The following LINGO1 variants were observed in gnomAD, a reference collection of about 807,000 sequenced individuals.
The protein encoded by LINGO1 is leucine-rich repeat and immunoglobulin-like domain-containing nogo receptor-interacting protein 1.
Under a neutral mutation model 37.3 loss-of-function variants are expected in LINGO1, and 11 were observed. The observed-to-expected ratio is 0.29, with a 90% CI of 0.19 to 0.49. LINGO1 has a LOEUF of 0.49. LINGO1 is among the 20% of genes least tolerant of loss of function. The probability of loss-of-function intolerance (pLI) is 0.99; values close to 1 mark genes in which losing one functional copy is unlikely to be tolerated. For synonymous variants in LINGO1, 387 were observed against 403.0 expected, an observed-to-expected ratio of 0.96 and a Z score of 0.48; for missense variants, 585 against 878.2, an observed-to-expected ratio of 0.67 and a Z score of 4.22.
In LINGO1 at chr15:77,641,156, G is replaced by A. The variant is rs534264306; in HGVS notation, c.-12-25256C>T. On this transcript the variant is annotated intron_variant, in intron 3 of 3. Coordinates refer to the LINGO1 transcript ENST00000559893. ...GAGACAGCCAGCCCTGAGGAAGGCC[G>A]CTGCTGGCCAAGGAGGTGCCAGCTC... is the stretch of plus-strand genomic sequence containing the variant. Among the ~76,000 whole-genome samples the A allele has an allele frequency of 4.6e-5, 7 of 152,316 alleles. No individual in the cohort carries two copies. The South Asian group carries it at 8.3e-4, about 18-fold the overall frequency.
At chr15:77,663,672 TGGGTGTTCTCTGCGTG>T (rs2075048286) in intron 3 of LINGO1, among the ~76,000 whole-genome samples, 4 of 152,332 alleles carry the variant, frequency 2.6e-5, no homozygotes, top group Middle Eastern at 3.4e-3. Context: ...CCTCAGTGTT[TGGGTGTTCTCTGCGTG>T]GGGGTGCGCT....
intron 3 of LINGO1, among the ~76,000 whole-genome samples, chr15:77,673,186 T>A (rs960165676): frequency 3.3e-5 from 5 of 152,174 alleles, no homozygotes; most frequent in African/African-American, 1.2e-4. Context: ...TAGGCCAATA[T>A]TTTTAAAATT....
At chr15:77,692,146 C>T (rs956001802) in intron 1 of LINGO1, among the ~76,000 whole-genome samples, 3 of 152,238 alleles carry the variant, frequency 2.0e-5, no homozygotes, top group Non-Finnish European at 4.4e-5. Context: ...TACGTAAACA[C>T]ATATGTGCAT....
intron 1 of LINGO1, among the ~76,000 whole-genome samples, chr15:77,624,967 C>T (rs184183623): frequency 1.1e-4 from 17 of 152,314 alleles, no homozygotes; most frequent in African/African-American, 4.1e-4. Context: ...CCCCCAGCGC[C>T]ATCCCCTGCC....
chr15:77,763,901 C>G (rs558952025), intron 1 of LINGO1, among the ~76,000 whole-genome samples: 38 of 152,260 alleles, frequency 2.5e-4, no homozygotes, highest in Non-Finnish European at 4.4e-4. Context: ...GCTCATCCCC[C>G]CTTCCCCTGG....
At chr15:77,786,791 G>A (rs184136228) in intron 1 of LINGO1, 1 of 152,486 alleles carries the variant, frequency 6.6e-6, no homozygotes, top group Admixed American at 6.5e-5. Flanking sequence ...TTTGCTTAGT[G>A]ACCTGGAGGG....
At chr15:77,746,012 C>T (rs1328116074) in intron 1 of LINGO1, among the ~76,000 whole-genome samples, 1 of 151,902 alleles carries the variant, frequency 6.6e-6, no homozygotes, top group East Asian at 1.9e-4. Flanking sequence ...GAGTTCAAGA[C>T]CAGCCTGGGC....
chr15:77,810,310 TCA>T (rs923557164), intron 1 of LINGO1, among the ~76,000 whole-genome samples: 3 of 144,676 alleles, frequency 2.1e-5, no homozygotes, highest in African/African-American at 2.6e-5. Context: ...GTAACTAGGC[TCA>T]CACACACACA....
At chr15:77,799,903 C>T (rs532939232) in intron 1 of LINGO1, among the ~76,000 whole-genome samples, 5 of 152,220 alleles carry the variant, frequency 3.3e-5, no homozygotes, top group African/African-American at 1.2e-4. Context: ...TGCCATGCCT[C>T]CCAGCGGCTG....
At chr15:77,622,761 C>T (rs8023571) in intron 1 of LINGO1, among the ~76,000 whole-genome samples, 28,570 of 152,202 alleles carry the variant, frequency 0.19, 3,784 homozygotes, top group African/African-American at 0.38. Context: ...CACCCCAGCC[C>T]GGGTTTTTCC....
chr15:77,797,600 A>G (rs563707073), intron 1 of LINGO1, among the ~76,000 whole-genome samples: 1 of 152,364 alleles, frequency 6.6e-6, no homozygotes, highest in East Asian at 1.9e-4. Context: ...GCTGGCATCG[A>G]ACCAGCACCT....
intron 1 of LINGO1, among the ~76,000 whole-genome samples, chr15:77,692,672 T>C (rs1465453027): frequency 1.3e-5 from 2 of 152,154 alleles, no homozygotes; most frequent in Non-Finnish European, 2.9e-5. Flanking sequence ...GACCACTCCC[T>C]CCTGCCTGGG....
Position 77,614,156 on chromosome 15 carries a change from C to T in LINGO1, c.1751G>A (p.Arg584Gln), listed in dbSNP as rs774158790. The T allele has an allele frequency of 5.6e-6, 9 of 1,613,976 alleles. No individual in the cohort carries two copies. Among genetic ancestry groups the T allele is most frequent in the Non-Finnish European group, 6.8e-6 (8 of 1,179,890 alleles). The change falls in exon 2 of 2, where the codon CGG becomes CAG. Residue 584 changes from arginine to glutamine, a missense_variant. This residue lies in a region of LINGO1 where 34 missense variants were observed against 62.0 expected (regional missense o/e 0.55). Coordinates refer to ENST00000355300, the MANE Select transcript of LINGO1 (RefSeq NM_032808.7). ...FCLVLLFLWS[R>Q]GKGNTKHNIE... ...GTTGTGCTTTGTGTTGCCCTTGCCC[C>T]GGCTCCAGAGAAACAGCAGCACCAG...
At chr15:77,657,487 T>G (rs1278466999) in intron 3 of LINGO1, among the ~76,000 whole-genome samples, 4 of 152,104 alleles carry the variant, frequency 2.6e-5, no homozygotes. Context: ...TCCTGCACAC[T>G]CCATTTCCAA....
intron 2 of LINGO1, among the ~76,000 whole-genome samples, chr15:77,706,094 C>T (rs2075849289): frequency 6.6e-6 from 1 of 152,194 alleles, no homozygotes; most frequent in African/African-American, 2.4e-5. Flanking sequence ...GTTGTCACAA[C>T]TAAGATCCTG....
chr15:77,619,396 G>A (rs1271873788), intron 1 of LINGO1, among the ~76,000 whole-genome samples: 1 of 152,172 alleles, frequency 6.6e-6, no homozygotes, highest in Non-Finnish European at 1.5e-5. Context: ...AGCCGGGCAT[G>A]GTGGCGCTGC....
rs2076358514 is a variant in LINGO1, at chr15:77,750,336, A to C, written c.-256-15283T>G. On this transcript the variant is annotated intron_variant, in intron 1 of 3. Transcript: ENST00000561686. ...TGGCTACATGAGAAGTAGAATTAGC[A>C]GGATTAAATATAAATAACTATTAAA... is the stretch of plus-strand genomic sequence containing the variant. 3.9e-5 allele frequency among the ~76,000 whole-genome samples: 6 copies of C among 152,376 alleles called. No homozygotes were observed. In the South Asian group the frequency reaches 1.0e-3, roughly 26 times the overall value.
At chr15:77,691,597 A>G (rs2075604065) in intron 1 of LINGO1, among the ~76,000 whole-genome samples, 1 of 152,066 alleles carries the variant, frequency 6.6e-6, no homozygotes, top group African/African-American at 2.4e-5. Flanking sequence ...CCCCTCTAGC[A>G]AAGCAGCCCC....
intron 1 of LINGO1, among the ~76,000 whole-genome samples, chr15:77,766,376 C>CAA (rs71145860): frequency 1.9e-5 from 2 of 102,752 alleles, no homozygotes; most frequent in Non-Finnish European, 4.1e-5. Flanking sequence ...AGAAGGAACT[C>CAA]AAAAAAAAAA....
Sources: gnomAD v4.1 joint callset for allele counts (sites outside exome capture counted in the v4.1 genomes callset) on GRCh38, gnomAD v4.1.1 for gene constraint, gnomAD v4.1.1 regional missense constraint, MANE v1.5 for transcripts, NCBI Gene and HGNC (gene_info 2026-07-23, HGNC 2026-07-21) for gene names.